TNNI3K: variants seen among roughly 807,000 people sequenced by gnomAD.
TNNI3K encodes the protein TNNI3 interacting kinase.
TNNI3K carries 140 observed loss-of-function variants against 114.5 expected under a neutral mutation model. That is an observed-to-expected ratio of 1.22 (90% confidence interval 1.07 to 1.41). TNNI3K has a LOEUF of 1.41. Ranked by LOEUF, TNNI3K falls within the 40% of genes most tolerant of loss-of-function variation. The pLI is 0.00. For missense variants in TNNI3K, 1,125 were observed against 1,007.6 expected (o/e 1.12, Z -1.58); for synonymous variants, 347 against 347.5 (o/e 1.00, Z 0.02).
intron 23 of TNNI3K, among the ~76,000 whole-genome samples, chr1:74,504,235 G>C (rs1669776040): frequency 6.6e-6 from 1 of 152,152 alleles, no homozygotes; most frequent in Non-Finnish European, 1.5e-5. Context: ...AAAGGTGATA[G>C]GGCTCTATGT....
At position 74,313,647 on chromosome 1, in the gene TNNI3K, A is replaced by G. The variant is rs571046675; in HGVS notation, c.445-17803A>G. On this transcript the variant is annotated intron_variant, in intron 5 of 24. Coordinates refer to ENST00000326637, the MANE Select transcript of TNNI3K (RefSeq NM_015978.3). ...CATTCCCTCCATAGATCTAGCACTC[A>G]GAGTTGCCCTACAGAGCTAGACTTG... 1.1e-4 allele frequency among the ~76,000 whole-genome samples: 16 copies of G among 152,286 alleles called. No individual in the cohort carries two copies. In the East Asian group the frequency reaches 3.1e-3, roughly 29 times the overall value.
At chr1:74,408,478 C>A (rs546568111) in intron 17 of TNNI3K, among the ~76,000 whole-genome samples, 1 of 152,282 alleles carries the variant, frequency 6.6e-6, no homozygotes, top group East Asian at 1.9e-4. Flanking sequence ...TAACAGATAG[C>A]TAAACAATGT....
At position 74,367,968 on chromosome 1, in the gene TNNI3K, C is replaced by G. The variant is rs200202451; in HGVS notation, c.1321+4C>G. 2 of 1,554,998 alleles carry G rather than the reference C, an allele frequency of 1.3e-6. No individual in the cohort carries two copies. The highest frequency in any genetic ancestry group is 8.6e-7 in the Non-Finnish European group (1 of 1,156,930). On this transcript the variant is annotated splice_donor_region_variant and intron_variant, in intron 13 of 24. Transcript: ENST00000326637. The stretch of plus-strand genomic sequence containing the variant: ...AAGATTAAAAGCATGACAAAAGGTA[C>G]CTATAATCTGGGACAATTGTTATAT...
chr1:74,438,236 T>C (rs997946739), intron 19 of TNNI3K, among the ~76,000 whole-genome samples: 10 of 151,928 alleles, frequency 6.6e-5, no homozygotes, highest in African/African-American at 2.4e-4. Context: ...ACATATACAA[T>C]GTTGTGACAC....
intron 17 of TNNI3K, among the ~76,000 whole-genome samples, chr1:74,432,956 A>G (rs1021942217): frequency 6.6e-6 from 1 of 152,038 alleles, no homozygotes; most frequent in African/African-American, 2.4e-5. Context: ...CATCTGTAAA[A>G]TAGGTATGCT....
At chr1:74,341,182 T>G (rs550764036) in intron 7 of TNNI3K, among the ~76,000 whole-genome samples, 3 of 152,332 alleles carry the variant, frequency 2.0e-5, no homozygotes, top group African/African-American at 7.2e-5. Context: ...ATTGAGCAGT[T>G]TGATGTTCAG....
chr1:74,237,793 C>T (rs562356837), intron 2 of TNNI3K, among the ~76,000 whole-genome samples: 2 of 152,004 alleles, frequency 1.3e-5, no homozygotes, highest in Non-Finnish European at 2.9e-5. Context: ...AGTGCCAGCT[C>T]GTATTCAAGT....
chr1:74,353,963 A>G lies in TNNI3K; in HGVS notation c.1028-17A>G, dbSNP rs1570510129. On this transcript the variant is annotated splice_polypyrimidine_tract_variant and intron_variant, in intron 10 of 24. Transcript: ENST00000326637. Reference sequence around the variant, plus strand: ...TCTTTTTTCTCCTTTTGTTCTTTCAATTCTTTTCTATTACAGGATTACACT... The same window carrying G: ...TCTTTTTTCTCCTTTTGTTCTTTCAGTTCTTTTCTATTACAGGATTACACT... 1.9e-6 allele frequency: 3 copies of G among 1,589,392 alleles called. No homozygotes were observed. The highest frequency in any genetic ancestry group is 2.6e-6 in the Non-Finnish European group (3 of 1,170,722).
chr1:74,540,599 C>CTTT (rs138609658), intron 24 of TNNI3K, among the ~76,000 whole-genome samples: 1 of 110,180 alleles, frequency 9.1e-6, no homozygotes, highest in Non-Finnish European at 1.7e-5. Context: ...AAGTACAACT[C>CTTT]TTTTTTTAAA....
intron 17 of TNNI3K, among the ~76,000 whole-genome samples, chr1:74,392,553 T>C (rs916384225): frequency 6.6e-6 from 1 of 152,214 alleles, no homozygotes; most frequent in Non-Finnish European, 1.5e-5. Context: ...GTAACCCTAC[T>C]GCTTTAGATG....
intron 5 of TNNI3K, among the ~76,000 whole-genome samples, chr1:74,274,168 G>T (rs757970308): frequency 1.3e-5 from 2 of 151,852 alleles, no homozygotes; most frequent in African/African-American, 4.8e-5. Flanking sequence ...AAGTAAGCTA[G>T]TGAAAAGAAA....
chr1:74,540,206 G>A, intron 23 of TNNI3K, 28 bp from the exon 24 acceptor site: 1 of 1,607,824 alleles, frequency 6.2e-7, no homozygotes, highest in South Asian at 1.1e-5. Context: ...TCACCATACT[G>A]TGAAACTGTG....
intron 11 of TNNI3K, among the ~76,000 whole-genome samples, chr1:74,362,643 A>T (rs891994480): frequency 6.6e-6 from 1 of 152,160 alleles, no homozygotes; most frequent in African/African-American, 2.4e-5. Flanking sequence ...TATGACTATG[A>T]TGTAGATATT....
At chr1:74,347,243 A>C (rs1005504167) in intron 9 of TNNI3K, among the ~76,000 whole-genome samples, 1 of 145,644 alleles carries the variant, frequency 6.9e-6, no homozygotes, top group African/African-American at 2.6e-5. Context: ...GAGTGAGAAC[A>C]TGCAGTGTTT....
At chr1:74,509,546 T>G (rs540341151) in intron 23 of TNNI3K, among the ~76,000 whole-genome samples, 14 of 152,244 alleles carry the variant, frequency 9.2e-5, no homozygotes, top group African/African-American at 3.1e-4. Flanking sequence ...GTATACTCTT[T>G]TCTTCAATAA....
chr1:74,451,691 CTTT>C (rs760704657), intron 20 of TNNI3K, among the ~76,000 whole-genome samples: 1 of 32,822 alleles, frequency 3.0e-5, no homozygotes, highest in Non-Finnish European at 6.9e-5. Context: ...TCTTTTCTTT[CTTT>C]CTTTCTTTCT....
intron 20 of TNNI3K, among the ~76,000 whole-genome samples, chr1:74,451,861 A>C (rs532512507): frequency 6.6e-6 from 1 of 151,210 alleles, no homozygotes; most frequent in Admixed American, 6.6e-5. Context: ...CTATTTCTCA[A>C]AATGTTTCAT....
intron 17 of TNNI3K, among the ~76,000 whole-genome samples, chr1:74,392,256 GA>G (rs1457326817): frequency 2.6e-5 from 4 of 152,278 alleles, no homozygotes; most frequent in African/African-American, 9.6e-5. Flanking sequence ...CGGTGTCCAT[GA>G]TAAGGGAATA....
At chr1:74,471,710 C>G in intron 21 of TNNI3K, 1 of 402,288 alleles carries the variant, frequency 2.5e-6, no homozygotes, top group Admixed American at 4.4e-5. Flanking sequence ...TGGAAGATAA[C>G]CCTCTTTGGG....
Sources: gnomAD v4.1 joint callset for allele counts (sites outside exome capture counted in the v4.1 genomes callset) on GRCh38, gnomAD v4.1.1 for gene constraint, MANE v1.5 for transcripts, NCBI Gene and HGNC (gene_info 2026-07-23, HGNC 2026-07-21) for gene names.